Variants in DGKB observed in about 807,000 individuals in gnomAD.
DGKB encodes 90 kDa diacylglycerol kinase.
A neutral mutation model predicts 114.3 loss-of-function variants in DGKB; 67 were observed. The observed-to-expected ratio is 0.59, with a 90% CI of 0.48 to 0.72. The LOEUF (loss-of-function observed/expected upper bound fraction) is 0.72, where lower values mean the gene tolerates loss of function less well. Ranked by LOEUF, DGKB falls within the 30% of genes least tolerant of loss-of-function variation. The pLI is 0.00. For synonymous variants in DGKB, 398 were observed against 323.1 expected (o/e 1.23, Z -2.49); for missense variants, 907 against 975.2 (o/e 0.93, Z 0.93).
intron 23 of DGKB, among the ~76,000 whole-genome samples, chr7:14,295,908 C>A (rs1234237471): frequency 6.6e-6 from 1 of 152,000 alleles, no homozygotes; most frequent in Admixed American, 6.6e-5. Flanking sequence ...TCCCTGTGAC[C>A]ATATGTTCTT....
At chr7:14,168,000 C>A (rs1784857416) in intron 25 of DGKB, among the ~76,000 whole-genome samples, 1 of 152,050 alleles carries the variant, frequency 6.6e-6, no homozygotes, top group Admixed American at 6.5e-5. Flanking sequence ...TGAGATGATA[C>A]AATTGTTGGA....
At chr7:14,662,938 C>T (rs540885982) in intron 13 of DGKB, among the ~76,000 whole-genome samples, 1 of 151,966 alleles carries the variant, frequency 6.6e-6, no homozygotes, top group South Asian at 2.1e-4. Flanking sequence ...TTTCAAATTA[C>T]AGCATAACAC....
chr7:14,193,019 C>G (rs544704746), intron 23 of DGKB, among the ~76,000 whole-genome samples: 17 of 151,972 alleles, frequency 1.1e-4, no homozygotes, highest in African/African-American at 3.6e-4. Context: ...TGAGCTCAGG[C>G]GGTAATGCGA....
intron 2 of DGKB, among the ~76,000 whole-genome samples, chr7:14,824,584 G>C (rs7806933): frequency 0.43 from 66,007 of 151,810 alleles, 14,777 homozygotes; most frequent in Non-Finnish European, 0.48. Context: ...TCAAGATCCT[G>C]AAAAATGTTT....
chr7:14,269,681 C>T (rs912065551), intron 23 of DGKB, among the ~76,000 whole-genome samples: 2 of 152,098 alleles, frequency 1.3e-5, no homozygotes, highest in East Asian at 1.9e-4. Flanking sequence ...TAGTGCAAGG[C>T]TGAAAACAAC....
rs148647121 is a variant in DGKB at position 14,785,431 on chromosome 7, G to C, written c.71-27700C>G. Among the ~76,000 whole-genome samples the C allele has an allele frequency of 8.3e-3, 1,267 of 152,030 alleles. 13 individuals carry two copies. Among genetic ancestry groups the C allele is most frequent in the African/African-American group, 0.028 (1,169 of 41,482 alleles). On this transcript the variant is annotated intron_variant, in intron 2 of 25. Coordinates refer to ENST00000402815, the MANE Select transcript of DGKB (RefSeq NM_001350709.2). ...ATAGATTAGTTCATCAAAATCATAT[G>C]TATACATGTATGTATATACATGTAT...
At chr7:14,866,183 A>G (rs1158954906) in intron 1 of DGKB, among the ~76,000 whole-genome samples, 6 of 152,166 alleles carry the variant, frequency 3.9e-5, no homozygotes, top group Admixed American at 3.9e-4. Context: ...CTGCCCATAT[A>G]CATCCCTAGC....
chr7:14,181,517 A>T (rs914945522), intron 23 of DGKB, among the ~76,000 whole-genome samples: 1 of 152,204 alleles, frequency 6.6e-6, no homozygotes, highest in Non-Finnish European at 1.5e-5. Context: ...TTTCCAAATA[A>T]TTTTATTACA....
rs776845811 is a variant in DGKB, at chr7:14,392,989, G to GTTTTTTTTTTTTTTTTTTTTTTTTTTTTT, written c.1836-47599_1836-47598insAAAAAAAAAAAAAAAAAAAAAAAAAAAAA. Among the ~76,000 whole-genome samples, 10 of 10,184 alleles carry GTTTTTTTTTTTTTTTTTTTTTTTTTTTTT rather than the reference G, an allele frequency of 9.8e-4. 1 individual carries two copies. The highest frequency in any genetic ancestry group is 1.8e-3 in the African/African-American group (8 of 4,340). The allele number at this position is 10,184 out of a possible 152,430, so 6.7% of individuals were successfully genotyped here. A position where few individuals can be genotyped will look rare whatever the true frequency, so the allele number is the denominator to read the frequency against. Reference sequence around the variant, plus strand: ...GAGGGCCAAAACAGACCTGTTTTTTGTTTTTGTTTTTTTTTTTTTGAGACG... The same window carrying GTTTTTTTTTTTTTTTTTTTTTTTTTTTTT: ...GAGGGCCAAAACAGACCTGTTTTTTGTTTTTTTTTTTTTTTTTTTTTTTTTTTTTTTTTTGTTTTTTTTTTTTTGAGACG... On this transcript the variant is annotated intron_variant, in intron 21 of 25. Transcript: ENST00000402815.
At chr7:14,706,228 C>A (rs1383774727) in intron 6 of DGKB, among the ~76,000 whole-genome samples, 10 of 145,668 alleles carry the variant, frequency 6.9e-5, no homozygotes, top group African/African-American at 2.6e-4. Flanking sequence ...AAGGCCATTA[C>A]ATAATGGTAA....
chr7:14,583,147 A>G lies in DGKB; in HGVS notation c.1434-10T>C, dbSNP rs774636897. On this transcript the variant is annotated splice_polypyrimidine_tract_variant and intron_variant, in intron 17 of 25. Coordinates refer to ENST00000402815, the MANE Select transcript of DGKB (RefSeq NM_001350709.2). Reference sequence around the variant, plus strand: ...ACGGAAAAAGTTTAACCTGAAAAATAAGCATGTTATGGCACATGATTAATA... The same window carrying G: ...ACGGAAAAAGTTTAACCTGAAAAATGAGCATGTTATGGCACATGATTAATA... 4 of 1,582,674 alleles carry G rather than the reference A, an allele frequency of 2.5e-6. No homozygotes were observed. The East Asian group carries it at 6.7e-5, about 27-fold the overall frequency.
intron 21 of DGKB, among the ~76,000 whole-genome samples, chr7:14,438,220 A>T (rs1403644649): frequency 6.6e-6 from 1 of 152,040 alleles, no homozygotes; most frequent in African/African-American, 2.4e-5. Flanking sequence ...GATTAAGAAA[A>T]TGGGGCTCAA....
At chr7:14,293,976 T>C (rs992493103) in intron 23 of DGKB, among the ~76,000 whole-genome samples, 3 of 152,222 alleles carry the variant, frequency 2.0e-5, no homozygotes, top group African/African-American at 4.8e-5. Context: ...ATCTTTTTGT[T>C]CTGGAGTTCA....
At position 14,496,283 on chromosome 7, in the gene DGKB, TG is replaced by T. The variant is rs377556628; in HGVS notation, c.1771-18059del. Among the ~76,000 whole-genome samples, 445 of 151,848 alleles carry T rather than the reference TG, an allele frequency of 2.9e-3. 1 individual carries two copies. The highest frequency in any genetic ancestry group is 0.01 in the African/African-American group (425 of 41,490). ...CTTATAATAATTGCCTGAAGCAATT[TG>T]TTCTTGGGTTTTTATGAAGATAAAC... On this transcript the variant is annotated intron_variant, in intron 20 of 25. Coordinates refer to ENST00000402815, the MANE Select transcript of DGKB (RefSeq NM_001350709.2).
intron 21 of DGKB, among the ~76,000 whole-genome samples, chr7:14,358,887 A>G (rs190713102): frequency 3.7e-4 from 57 of 152,278 alleles, no homozygotes; most frequent in African/African-American, 1.3e-3. Flanking sequence ...TAATTTATAG[A>G]TTCAATGCCA....
At chr7:14,430,053 T>C (rs1017213779) in intron 21 of DGKB, among the ~76,000 whole-genome samples, 2 of 152,212 alleles carry the variant, frequency 1.3e-5, no homozygotes, top group African/African-American at 4.8e-5. Context: ...CTTTCTAGAC[T>C]TTTTAGTTAC....
chr7:14,437,161 T>C (rs2128804057), intron 21 of DGKB, among the ~76,000 whole-genome samples: 1 of 152,188 alleles, frequency 6.6e-6, no homozygotes, highest in African/African-American at 2.4e-5. Context: ...GAGAGGTATT[T>C]TATTTTTAAA....
chr7:14,174,527 G>A (rs982706489), intron 25 of DGKB, among the ~76,000 whole-genome samples: 1 of 152,056 alleles, frequency 6.6e-6, no homozygotes, highest in African/African-American at 2.4e-5. Context: ...GAGTATTCAT[G>A]GACGCTAGTT....
At chr7:14,544,664 T>C (rs986848564) in intron 20 of DGKB, among the ~76,000 whole-genome samples, 6 of 152,280 alleles carry the variant, frequency 3.9e-5, no homozygotes, top group Admixed American at 6.5e-5. Flanking sequence ...AATTCTCAAT[T>C]ATATTAGTCA....
Sources: allele counts gnomAD v4.1 joint callset (sites outside exome capture counted in the v4.1 genomes callset), GRCh38; gene constraint gnomAD v4.1.1; transcripts MANE v1.5; gene names NCBI Gene and HGNC (gene_info 2026-07-23, HGNC 2026-07-21).